The following RMDN2 variants were observed in gnomAD, a reference collection of about 807,000 sequenced individuals.
RMDN2 encodes regulator of microtubule dynamics 2, also known as regulator of microtubule dynamics protein 2.
Under a neutral mutation model 52.8 loss-of-function variants are expected in RMDN2, and 61 were observed. The ratio of observed to expected loss-of-function variants is 1.16; its 90% CI spans 0.94 to 1.43. The LOEUF is 1.43. Ranked by LOEUF, RMDN2 falls within the 40% of genes most tolerant of loss-of-function variation. The pLI is 0.00. For missense variants in RMDN2, 592 were observed against 475.3 expected, an observed-to-expected ratio of 1.25 and a Z score of -2.28; for synonymous variants, 180 against 153.1, an observed-to-expected ratio of 1.18 and a Z score of -1.30.
At chr2:38,001,399 A>C (rs1168542257) in intron 8 of RMDN2, among the ~76,000 whole-genome samples, 1 of 152,150 alleles carries the variant, frequency 6.6e-6, no homozygotes, top group Non-Finnish European at 1.5e-5. Context: ...AGCTAATGCT[A>C]CCCTCCTTGT....
rs112462342 is a variant in RMDN2 at position 37,950,453 on chromosome 2, A to G, written c.452+20724A>G. 597 of 1,610,350 alleles carry G rather than the reference A, an allele frequency of 3.7e-4. 3 individuals carry two copies. In the African/African-American group the frequency reaches 6.8e-3, roughly 18 times the overall value. ...TGTCATCACATTCTGTGTTATTGCC[A>G]TGTTAACTCCACATGCAGCTTGAGC... On this transcript the variant is annotated intron_variant, in intron 2 of 10. Transcript: ENST00000354545.
At chr2:37,953,808 C>T (rs989048722) in intron 2 of RMDN2, among the ~76,000 whole-genome samples, 1 of 151,994 alleles carries the variant, frequency 6.6e-6, no homozygotes, top group Non-Finnish European at 1.5e-5. Flanking sequence ...ACATTTGCAC[C>T]AGGAGTGTAG....
chr2:38,002,782 G>C (rs907159563), intron 8 of RMDN2: 1 of 152,160 alleles, frequency 6.6e-6, no homozygotes, highest in African/African-American at 2.4e-5. Context: ...TTTTAATTTT[G>C]GAAATGTCTG....
chr2:37,924,867 A>G (rs1345480441), upstream of RMDN2, among the ~76,000 whole-genome samples: 3 of 152,272 alleles, frequency 2.0e-5, no homozygotes, highest in Non-Finnish European at 4.4e-5. Flanking sequence ...GGGGCTGCAG[A>G]TATCAGTAAT....
intron 10 of RMDN2, among the ~76,000 whole-genome samples, chr2:38,010,820 A>T (rs905266268): frequency 2.0e-5 from 3 of 152,190 alleles, no homozygotes; most frequent in Non-Finnish European, 4.4e-5. Context: ...GGAGCTGTAG[A>T]CTGGAGCTGT....
At chr2:38,007,542 G>A (rs564150459) in intron 10 of RMDN2, among the ~76,000 whole-genome samples, 198 of 152,124 alleles carry the variant, frequency 1.3e-3, no homozygotes, top group African/African-American at 4.3e-3. Flanking sequence ...CTGTGGGATC[G>A]GTGGTGATAT....
At chr2:37,924,191 C>T (rs982773182), upstream of RMDN2, among the ~76,000 whole-genome samples, 2 of 152,194 alleles carry the variant, frequency 1.3e-5, no homozygotes, top group African/African-American at 4.8e-5. Context: ...GATTGCAAAA[C>T]AAGCCTTCTG....
At position 38,008,081 on chromosome 2, in the gene RMDN2, T is replaced by C. The variant is rs191169099; in HGVS notation, c.1179+3865T>C. On this transcript the variant is annotated intron_variant, in intron 10 of 10. Coordinates refer to ENST00000354545, the MANE Select transcript of RMDN2 (RefSeq NM_001170791.3). ...CTGTAGTCTGAGAGACAGTTTGTTATAATTTCTGTTCTTTTACATTTGCCG... is the reference window on the plus strand; with the variant it reads ...CTGTAGTCTGAGAGACAGTTTGTTACAATTTCTGTTCTTTTACATTTGCCG... Among the ~76,000 whole-genome samples the C allele has an allele frequency of 1.5e-3, 224 of 152,360 alleles. 1 individual carries two copies. Among genetic ancestry groups the C allele is most frequent in the Non-Finnish European group, 2.0e-3 (133 of 68,032 alleles).
rs1678964644 is a variant in RMDN2 at position 38,017,492 on chromosome 2, A to G, written c.*253A>G. ...TGCTTTATATTTTTCTTATCAATAA[A>G]CTGCAGCCTTAAGAATATTTCTTTA... On this transcript the variant is annotated 3_prime_UTR_variant, in exon 11 of 11. Transcript: ENST00000354545. 2 of 1,087,978 alleles carry G rather than the reference A, an allele frequency of 1.8e-6. No homozygotes were observed. The highest frequency in any genetic ancestry group is 4.2e-5 in the East Asian group (1 of 23,586). 67.4% of individuals were successfully genotyped at this position (1,087,978 alleles called of 1,614,324 possible). A position where few individuals can be genotyped will look rare whatever the true frequency, so the allele number is the denominator to read the frequency against.
downstream of RMDN2, among the ~76,000 whole-genome samples, chr2:38,019,143 A>C (rs552805832): frequency 6.6e-6 from 1 of 152,376 alleles, no homozygotes; most frequent in South Asian, 2.1e-4. Context: ...ATCTCTAAAC[A>C]GCTAAAGGAA....
At chr2:37,993,072 G>A (rs1394271813) in intron 7 of RMDN2, among the ~76,000 whole-genome samples, 3 of 152,128 alleles carry the variant, frequency 2.0e-5, no homozygotes, top group East Asian at 1.9e-4. Flanking sequence ...GTGCCACCAC[G>A]CTCGGGTATT....
intron 10 of RMDN2, among the ~76,000 whole-genome samples, chr2:38,061,111 G>A (rs1682026693): frequency 6.6e-6 from 1 of 152,176 alleles, no homozygotes; most frequent in Non-Finnish European, 1.5e-5. Flanking sequence ...CCAAGAGCCT[G>A]TTTGTTCTCT....
intron 2 of RMDN2, among the ~76,000 whole-genome samples, chr2:37,971,886 C>T (rs1671857127): frequency 6.6e-6 from 1 of 152,080 alleles, no homozygotes; most frequent in African/African-American, 2.4e-5. Flanking sequence ...ACAAAAATTC[C>T]TATTAGGCTT....
chr2:38,006,735 T>C (rs914861889), intron 10 of RMDN2, among the ~76,000 whole-genome samples: 15 of 152,274 alleles, frequency 9.9e-5, no homozygotes, highest in African/African-American at 1.7e-4. Context: ...GTACTTCCAA[T>C]ACTATGTTGA....
At chr2:37,978,290 G>T (rs971577152) in intron 4 of RMDN2, among the ~76,000 whole-genome samples, 1 of 139,228 alleles carries the variant, frequency 7.2e-6, no homozygotes, top group Non-Finnish European at 1.5e-5. Flanking sequence ...GCCTGGGCTC[G>T]GCATCAGAGG....
In RMDN2 at chr2:37,975,241, A is replaced by G. The variant is rs556174800; in HGVS notation, c.657A>G (p.Arg219=). The G allele has an allele frequency of 1.2e-6, 2 of 1,610,158 alleles. No individual in the cohort carries two copies. The highest frequency in any genetic ancestry group is 1.7e-6 in the Non-Finnish European group (2 of 1,176,616). Residue 219 remains arginine (R), a synonymous_variant, in exon 4 of 11, where the codon CGA becomes CGG. Transcript: ENST00000354545. ...GAGATGAAATAGAGTTTATGTGGCG[A>G]TTTGCTCGTGCTTATGGAGACATGT... The part of the protein sequence containing the change: ...KFRDEIEFMW[R]FARAYGDMYE...
chr2:37,921,165 A>G (rs1023763809), upstream of RMDN2, among the ~76,000 whole-genome samples: 2 of 152,178 alleles, frequency 1.3e-5, no homozygotes, highest in Non-Finnish European at 2.9e-5. Flanking sequence ...ACCATTTTTA[A>G]TTTGTTCAGT....
intron 7 of RMDN2, among the ~76,000 whole-genome samples, chr2:37,994,402 G>T (rs1391668232): frequency 6.6e-6 from 1 of 152,162 alleles, no homozygotes; most frequent in East Asian, 1.9e-4. Flanking sequence ...CTTCCTCCAT[G>T]ATGTCAGGCA....
chr2:38,044,571 CT>C (rs566479109), intron 10 of RMDN2, among the ~76,000 whole-genome samples: 41 of 145,330 alleles, frequency 2.8e-4, no homozygotes, highest in South Asian at 6.5e-4. Flanking sequence ...TTTGGGTTTT[CT>C]TTTTTTTTTT....
Sources: allele counts gnomAD v4.1 joint callset (sites outside exome capture counted in the v4.1 genomes callset), GRCh38; gene constraint gnomAD v4.1.1; transcripts MANE v1.5; gene names NCBI Gene and HGNC (gene_info 2026-07-23, HGNC 2026-07-21).